The following KIRREL3 variants were observed in gnomAD, a reference collection of about 807,000 sequenced individuals.
KIRREL3 encodes the protein kirre like nephrin family adhesion molecule 3, also known as kin of IRRE-like protein 3.
KIRREL3 carries 36 observed loss-of-function variants against 89.7 expected under a neutral mutation model. The ratio of observed to expected loss-of-function variants is 0.40; its 90% CI spans 0.31 to 0.53. The LOEUF (loss-of-function observed/expected upper bound fraction) is 0.53. Ranked by LOEUF, KIRREL3 falls within the 20% of genes least tolerant of loss-of-function variation. KIRREL3 has a pLI of 0.49. For missense variants in KIRREL3, 864 were observed against 1,056.6 expected (o/e 0.82, Z 2.53); for synonymous variants, 445 against 441.4 (o/e 1.01, Z -0.10).
Position 126,905,353 on chromosome 11 carries a change from A to C in KIRREL3, c.55+95102T>G, listed in dbSNP as rs1297341891. On this transcript the variant is annotated intron_variant, in intron 1 of 16. Coordinates refer to ENST00000525144, the MANE Select transcript of KIRREL3 (RefSeq NM_032531.4). The surrounding 1 kb of genome is among the most constrained non-coding windows in gnomAD (Gnocchi z 5.0). ...AGTTGATGGGAAACTTCTAACCTTC[A>C]ACTGCCTTCTTTTCTCATTTACACA... is the stretch of plus-strand genomic sequence containing the variant. 6.6e-6 allele frequency among the ~76,000 whole-genome samples: 1 copy of C among 152,150 alleles called. No individual in the cohort carries two copies. Among genetic ancestry groups the C allele is most frequent in the Non-Finnish European group, 1.5e-5 (1 of 68,020 alleles).
rs1032718315 is a variant in KIRREL3, at chr11:126,628,304, A to C, written c.56-65392T>G. Among the ~76,000 whole-genome samples the C allele has an allele frequency of 2.0e-5, 3 of 152,164 alleles. No individual in the cohort carries two copies. Among genetic ancestry groups the C allele is most frequent in the Admixed American group, 2.0e-4 (3 of 15,284 alleles). On this transcript the variant is annotated intron_variant, in intron 1 of 16. Transcript: ENST00000525144. The surrounding 1 kb of genome is among the most constrained non-coding windows in gnomAD (Gnocchi z 5.2). ...CTTCTCTGTGAGAAGGAAAATGAGA[A>C]CATTCCGGAAGGAAGCACTCTTCTT...
At chr11:126,815,319 A>G (rs1392279589) in intron 1 of KIRREL3, among the ~76,000 whole-genome samples, 1 of 152,146 alleles carries the variant, frequency 6.6e-6, no homozygotes, top group Non-Finnish European at 1.5e-5. Flanking sequence ...CTAGTGAATG[A>G]GTCACACCCT....
chr11:126,654,801 ATTTTT>A (rs1251966271), intron 1 of KIRREL3, among the ~76,000 whole-genome samples: 2 of 151,418 alleles, frequency 1.3e-5, no homozygotes, highest in African/African-American at 4.9e-5. Context: ...ATTTTTTTTT[ATTTTT>A]TTATTTTTTT....
At chr11:126,816,802 C>T (rs1951587401) in intron 1 of KIRREL3, among the ~76,000 whole-genome samples, 3 of 152,200 alleles carry the variant, frequency 2.0e-5, no homozygotes, top group Admixed American at 1.3e-4. Flanking sequence ...CTGAAAGCCG[C>T]AGGAGGCTGA....
At position 126,780,617 on chromosome 11, in the gene KIRREL3, C is replaced by T. The variant is rs779922502; in HGVS notation, c.56-217705G>A. Reference sequence around the variant, plus strand: ...GGGGGATGTCCCATGCAAAGGTAAACGAGTACCCAGAGGTGCCCAGATGCC... The same window carrying T: ...GGGGGATGTCCCATGCAAAGGTAAATGAGTACCCAGAGGTGCCCAGATGCC... On this transcript the variant is annotated intron_variant, in intron 1 of 16. Coordinates refer to ENST00000525144, the MANE Select transcript of KIRREL3 (RefSeq NM_032531.4). The surrounding 1 kb of genome is among the most constrained non-coding windows in gnomAD (Gnocchi z 5.3). Among the ~76,000 whole-genome samples the T allele has an allele frequency of 3.3e-5, 5 of 152,248 alleles. No homozygotes were observed. The highest frequency in any genetic ancestry group is 2.1e-4 in the South Asian group (1 of 4,814).
intron 1 of KIRREL3, among the ~76,000 whole-genome samples, chr11:126,738,335 T>C (rs1006425357): frequency 6.6e-6 from 1 of 152,084 alleles, no homozygotes; most frequent in Admixed American, 6.5e-5. Flanking sequence ...AGGTGAGCGC[T>C]CTCTTGCTTC....
rs1398191559 is a variant in KIRREL3, at chr11:126,860,323, C to T, written c.55+140132G>A. The stretch of plus-strand genomic sequence containing the variant: ...ACAATCTGATTAAATTTAATAAAGG[C>T]GTGGGCAATGGGTCTGGGAGCACAG... On this transcript the variant is annotated intron_variant, in intron 1 of 16. Coordinates refer to ENST00000525144, the MANE Select transcript of KIRREL3 (RefSeq NM_032531.4). The surrounding 1 kb of genome is among the most constrained non-coding windows in gnomAD (Gnocchi z 4.6). Among the ~76,000 whole-genome samples the T allele has an allele frequency of 3.3e-5, 5 of 152,064 alleles. No individual in the cohort carries two copies. Among genetic ancestry groups the T allele is most frequent in the South Asian group, 2.1e-4 (1 of 4,812 alleles).
Position 126,492,467 on chromosome 11 carries a change from C to A in KIRREL3, c.434-19001G>T, listed in dbSNP as rs1957546504. Reference sequence around the variant, plus strand: ...AGTTACTTCCCTGCTCCCAGTTAGCCCCTGTCCGTCCAGTTCTGAGAGGTG... The same window carrying A: ...AGTTACTTCCCTGCTCCCAGTTAGCACCTGTCCGTCCAGTTCTGAGAGGTG... On this transcript the variant is annotated intron_variant, in intron 4 of 16. Coordinates refer to ENST00000525144, the MANE Select transcript of KIRREL3 (RefSeq NM_032531.4). This position sits in a 1 kb window ranked among gnomAD's most constrained non-coding sequence, Gnocchi z 4.8. 1.3e-5 allele frequency among the ~76,000 whole-genome samples: 2 copies of A among 152,080 alleles called. No homozygotes were observed. The highest frequency in any genetic ancestry group is 2.1e-4 in the South Asian group (1 of 4,830).
rs1221750230 is a variant in KIRREL3, at chr11:126,662,610, T to C, written c.56-99698A>G. Among the ~76,000 whole-genome samples the C allele has an allele frequency of 2.6e-5, 4 of 152,164 alleles. No individual in the cohort carries two copies. The East Asian group carries it at 7.7e-4, about 29-fold the overall frequency. On this transcript the variant is annotated intron_variant, in intron 1 of 16. Transcript: ENST00000525144. Reference sequence around the variant, plus strand: ...CTCTTGCATAAGGGCATTAATCCCATTAATGAGGAAGGAAGTCTCATAGCC... The same window carrying C: ...CTCTTGCATAAGGGCATTAATCCCACTAATGAGGAAGGAAGTCTCATAGCC...
upstream of KIRREL3, chr11:127,003,073 T>C (rs1591455019): frequency 5.3e-5 from 7 of 133,286 alleles, no homozygotes; most frequent in Admixed American, 1.5e-4. Context: ...CCCTCTCCAC[T>C]CCCCTCTACT....
rs914795258 is a variant in KIRREL3, at chr11:126,905,436, C to T, written c.55+95019G>A. ...TGCAATGCATCAACTTGGCAGAGGG[C>T]TACACATTAGGTAGGTCCTTCCATA... On this transcript the variant is annotated intron_variant, in intron 1 of 16. Transcript: ENST00000525144. The surrounding 1 kb of genome is among the most constrained non-coding windows in gnomAD (Gnocchi z 5.0). 6.6e-6 allele frequency among the ~76,000 whole-genome samples: 1 copy of T among 152,134 alleles called. No homozygotes were observed. The highest frequency in any genetic ancestry group is 1.5e-5 in the Non-Finnish European group (1 of 68,034).
Position 126,989,867 on chromosome 11 carries a change from T to C in KIRREL3, c.55+10588A>G, listed in dbSNP as rs1949974630. 1.3e-5 allele frequency among the ~76,000 whole-genome samples: 2 copies of C among 152,184 alleles called. No individual in the cohort carries two copies. The highest frequency in any genetic ancestry group is 2.4e-5 in the African/African-American group (1 of 41,456). On this transcript the variant is annotated intron_variant, in intron 1 of 16. Coordinates refer to ENST00000525144, the MANE Select transcript of KIRREL3 (RefSeq NM_032531.4). The surrounding 1 kb of genome is among the most constrained non-coding windows in gnomAD (Gnocchi z 6.2). ...CATGGCCCGTGGTGGTTTTTTATAA[T>C]GGTGTTGTTGGAAATTAGTAATACC...
At position 126,566,520 on chromosome 11, in the gene KIRREL3, A is replaced by G. The variant is rs1940531652; in HGVS notation, c.56-3608T>C. ...AAGGGTTCCTTCTGACTCGGGTCAG[A>G]ATGAAAATAAGTGGGCTTCACTGTA... On this transcript the variant is annotated intron_variant, in intron 1 of 16. Transcript: ENST00000525144. This position sits in a 1 kb window ranked among gnomAD's most constrained non-coding sequence, Gnocchi z 4.9. Among the ~76,000 whole-genome samples, 1 of 152,198 alleles carries G rather than the reference A, an allele frequency of 6.6e-6. No individual in the cohort carries two copies. The highest frequency in any genetic ancestry group is 1.5e-5 in the Non-Finnish European group (1 of 68,026).
rs1332820191 is a variant in KIRREL3, at chr11:126,527,231, G to A, written c.134-544C>T. ...AGGGCCAAGTTCAGAGGGGTGGGTG[G>A]TGGTGCAGTATGGCAGGAGGTGTGC... On this transcript the variant is annotated intron_variant, in intron 2 of 16. Coordinates refer to ENST00000525144, the MANE Select transcript of KIRREL3 (RefSeq NM_032531.4). The surrounding 1 kb of genome is among the most constrained non-coding windows in gnomAD (Gnocchi z 4.2). Among the ~76,000 whole-genome samples, 6 of 152,142 alleles carry A rather than the reference G, an allele frequency of 3.9e-5. No homozygotes were observed. The highest frequency in any genetic ancestry group is 4.1e-4 in the South Asian group (2 of 4,824).
intron 1 of KIRREL3, among the ~76,000 whole-genome samples, chr11:126,852,138 C>T (rs1398540086): frequency 6.6e-6 from 1 of 150,386 alleles, no homozygotes; most frequent in East Asian, 2.0e-4. Context: ...ACTGCAACCT[C>T]TGCCTCCCGG....
intron 1 of KIRREL3, among the ~76,000 whole-genome samples, chr11:126,927,233 C>T (rs1201295901): frequency 4.1e-5 from 1 of 24,268 alleles, no homozygotes; most frequent in Non-Finnish European, 9.5e-5. Context: ...AGTAAGCACA[C>T]ACACACACAC....
rs150800958 is a variant in KIRREL3 at position 126,840,433 on chromosome 11, G to A, written c.55+160022C>T. On this transcript the variant is annotated intron_variant, in intron 1 of 16. Coordinates refer to ENST00000525144, the MANE Select transcript of KIRREL3 (RefSeq NM_032531.4). ...CTCATAGGATCTGAGAATCTGAGTTGAAAGGGCAGTTGGGGATGGAGTTAG... is the reference window on the plus strand; with the variant it reads ...CTCATAGGATCTGAGAATCTGAGTTAAAAGGGCAGTTGGGGATGGAGTTAG... 1.6e-3 allele frequency among the ~76,000 whole-genome samples: 238 copies of A among 152,270 alleles called. 1 individual carries two copies. The highest frequency in any genetic ancestry group is 5.3e-3 in the African/African-American group (221 of 41,552).
At chr11:126,552,441 G>A (rs1028526607) in intron 2 of KIRREL3, among the ~76,000 whole-genome samples, 2 of 151,048 alleles carry the variant, frequency 1.3e-5, no homozygotes, top group South Asian at 4.2e-4. Context: ...CTGACATAAG[G>A]TTTAAAAACA....
Position 126,976,366 on chromosome 11 carries a change from C to G in KIRREL3, c.55+24089G>C, listed in dbSNP as rs1949576443. On this transcript the variant is annotated intron_variant, in intron 1 of 16. Transcript: ENST00000525144. This position sits in a 1 kb window ranked among gnomAD's most constrained non-coding sequence, Gnocchi z 4.2. ...AGCCAAAGGTTGCTTCCAGGGACCA[C>G]AGATTATTTTCTGAGTGTTTATGAA... Among the ~76,000 whole-genome samples, 1 of 152,182 alleles carries G rather than the reference C, an allele frequency of 6.6e-6. No individual in the cohort carries two copies. Among genetic ancestry groups the G allele is most frequent in the Admixed American group, 6.5e-5 (1 of 15,276 alleles).
Sources: allele counts gnomAD v4.1 joint callset (sites outside exome capture counted in the v4.1 genomes callset), GRCh38; gene constraint gnomAD v4.1.1; non-coding constraint Gnocchi (gnomAD v3.1); transcripts MANE v1.5; gene names NCBI Gene and HGNC (gene_info 2026-07-23, HGNC 2026-07-21).